Variants in ZNF423 observed in about 807,000 individuals in gnomAD.
The protein encoded by ZNF423 is Ebf-associated zinc finger protein.
A neutral mutation model predicts 95.8 loss-of-function variants in ZNF423; 12 were observed. The ratio of observed to expected loss-of-function variants is 0.13; its 90% CI spans 0.08 to 0.20. The LOEUF (loss-of-function observed/expected upper bound fraction) is 0.20. ZNF423 is among the 10% of genes least tolerant of loss of function. ZNF423 has a pLI of 1.00. For synonymous variants in ZNF423, 749 were observed against 711.9 expected (o/e 1.05, Z -0.83); for missense variants, 1,316 against 1,737.1 (o/e 0.76, Z 4.31).
chr16:49,799,400 C>A (rs970923173), intron 1 of ZNF423, among the ~76,000 whole-genome samples: 10 of 152,186 alleles, frequency 6.6e-5, no homozygotes, highest in Non-Finnish European at 2.9e-5. Flanking sequence ...AAATTTCCCA[C>A]TGCGATTTAG....
intron 1 of ZNF423, among the ~76,000 whole-genome samples, chr16:49,833,618 G>T (rs2035084854): frequency 6.6e-6 from 1 of 151,870 alleles, no homozygotes; most frequent in Admixed American, 6.6e-5. Flanking sequence ...CCTTTATTCG[G>T]CAAGACAATG....
chr16:49,600,775 C>T (rs1438538463), intron 5 of ZNF423, among the ~76,000 whole-genome samples: 1 of 152,176 alleles, frequency 6.6e-6, no homozygotes, highest in East Asian at 1.9e-4. Context: ...GCCACAGACC[C>T]AGGCCGGAGT....
At chr16:49,851,087 G>A (rs1183777800) in intron 1 of ZNF423, among the ~76,000 whole-genome samples, 4 of 152,180 alleles carry the variant, frequency 2.6e-5, no homozygotes, top group Non-Finnish European at 5.9e-5. Flanking sequence ...TCAAAGACAG[G>A]GAAAGCACTC....
At chr16:49,685,539 C>T (rs985308267) in intron 3 of ZNF423, among the ~76,000 whole-genome samples, 6 of 152,324 alleles carry the variant, frequency 3.9e-5, no homozygotes, top group African/African-American at 1.2e-4. Context: ...CCTCCTTCAG[C>T]GCTGTGTATT....
chr16:49,747,985 G>A (rs890110704), intron 2 of ZNF423, among the ~76,000 whole-genome samples: 3 of 152,250 alleles, frequency 2.0e-5, no homozygotes, highest in African/African-American at 4.8e-5. Flanking sequence ...GCTGTCACTT[G>A]TAGTCCCAGC....
intron 5 of ZNF423, among the ~76,000 whole-genome samples, chr16:49,576,509 C>G (rs779239871): frequency 6.6e-6 from 1 of 152,242 alleles, no homozygotes; most frequent in Non-Finnish European, 1.5e-5. Context: ...GTGGACACTA[C>G]CTGGAGGCAG....
intron 3 of ZNF423, among the ~76,000 whole-genome samples, chr16:49,669,426 A>G (rs958210564): frequency 6.6e-6 from 1 of 152,158 alleles, no homozygotes; most frequent in African/African-American, 2.4e-5. Context: ...ACCATCCCCA[A>G]TGAGTGGGAT....
chr16:49,654,705 G>A (rs1426089774), intron 3 of ZNF423, among the ~76,000 whole-genome samples: 1 of 152,216 alleles, frequency 6.6e-6, no homozygotes, highest in African/African-American at 2.4e-5. Flanking sequence ...AGCCAAGATG[G>A]TCTTAAATAA....
intron 2 of ZNF423, among the ~76,000 whole-genome samples, chr16:49,759,542 C>T (rs1233993687): frequency 2.0e-5 from 3 of 152,180 alleles, no homozygotes; most frequent in Admixed American, 6.5e-5. Flanking sequence ...ACAACCCTGG[C>T]GGGACCACAG....
intron 3 of ZNF423, among the ~76,000 whole-genome samples, chr16:49,707,124 C>T (rs1355614157): frequency 6.6e-6 from 1 of 152,126 alleles, no homozygotes; most frequent in Non-Finnish European, 1.5e-5. Flanking sequence ...CATGCCATGC[C>T]CTCACCTCAC....
At chr16:49,648,738 G>T (rs1973276518) in intron 3 of ZNF423, among the ~76,000 whole-genome samples, 1 of 152,098 alleles carries the variant, frequency 6.6e-6, no homozygotes, top group African/African-American at 2.4e-5. Flanking sequence ...AGGTAGGACT[G>T]CACATATTGC....
rs201914334 is a variant in ZNF423, at chr16:49,637,852, C to T, written c.1324G>A (p.Ala442Thr). Residue 442 changes from alanine to threonine, a missense_variant, in exon 4 of 8, where the codon GCG becomes ACG. Physicochemically the swap from Ala to Thr is moderately conservative, Grantham distance 58. Transcript: ENST00000563137. This position sits in a 1 kb window ranked among gnomAD's most constrained non-coding sequence, Gnocchi z 5.6. ...VLEIHLKTIH[A>T]DKPQQSHTCQ... ...GTGTGGCTCTGCTGGGGCTTGTCCG[C>T]GTGGATGGTCTTCAGGTGGATCTCC... 39 of 1,614,096 alleles carry T rather than the reference C, an allele frequency of 2.4e-5. No homozygotes were observed. The East Asian group carries it at 5.8e-4, about 24-fold the overall frequency.
At position 49,492,303 on chromosome 16, in the gene ZNF423, A is replaced by C. The variant is rs1298195679; in HGVS notation, c.3850-999T>G. On this transcript the variant is annotated intron_variant, in intron 7 of 7. Transcript: ENST00000563137. This position sits in a 1 kb window ranked among gnomAD's most constrained non-coding sequence, Gnocchi z 4.2. ...AGGGTGGCCCTGTTTGGGGCCGCACAGGACCCTAGATCCCCGGGAGAGGCT... is the reference window on the plus strand; with the variant it reads ...AGGGTGGCCCTGTTTGGGGCCGCACCGGACCCTAGATCCCCGGGAGAGGCT... Among the ~76,000 whole-genome samples the C allele has an allele frequency of 6.6e-6, 1 of 152,242 alleles. No individual in the cohort carries two copies.
At position 49,635,381 on chromosome 16, in the gene ZNF423, TTC is replaced by T. The variant is rs1296824488; in HGVS notation, c.3516+277_3516+278del. Among the ~76,000 whole-genome samples, 1 of 152,220 alleles carries T rather than the reference TTC, an allele frequency of 6.6e-6. No homozygotes were observed. Among genetic ancestry groups the T allele is most frequent in the Non-Finnish European group, 1.5e-5 (1 of 68,040 alleles). On this transcript the variant is annotated intron_variant, in intron 4 of 7. Coordinates refer to ENST00000563137, the MANE Select transcript of ZNF423 (RefSeq NM_001379286.1). The surrounding 1 kb of genome is among the most constrained non-coding windows in gnomAD (Gnocchi z 4.8). ...TGATGTCCTCGGCCTCTTACAACAA[TTC>T]TCTGAGGTTGGGACAATTATTATTC...
intron 3 of ZNF423, among the ~76,000 whole-genome samples, chr16:49,688,053 GGT>G (rs2031633416): frequency 1.9e-5 from 1 of 53,036 alleles, no homozygotes; most frequent in African/African-American, 8.0e-5. Flanking sequence ...ACCACGGTGC[GGT>G]TTTTTTTTTT....
intron 3 of ZNF423, among the ~76,000 whole-genome samples, chr16:49,699,376 G>A (rs1284458306): frequency 2.0e-5 from 3 of 152,166 alleles, no homozygotes; most frequent in Non-Finnish European, 1.5e-5. Flanking sequence ...ATAAATAAAT[G>A]CGGCCAAAAC....
chr16:49,755,594 G>A lies in ZNF423; in HGVS notation c.101-24623C>T, dbSNP rs115413956. Reference sequence around the variant, plus strand: ...GACGAGTTGAGTTGGAGAGAAATTAGATTTATTTACACGCTGTTCTGTTGC... The same window carrying A: ...GACGAGTTGAGTTGGAGAGAAATTAAATTTATTTACACGCTGTTCTGTTGC... On this transcript the variant is annotated intron_variant, in intron 2 of 7. Transcript: ENST00000563137. Among the ~76,000 whole-genome samples the A allele has an allele frequency of 2.9e-3, 438 of 152,296 alleles. 4 individuals carry two copies. Among genetic ancestry groups the A allele is most frequent in the African/African-American group, 0.01 (418 of 41,568 alleles).
chr16:49,637,880 C>T lies in ZNF423; in HGVS notation c.1296G>A (p.Val432=). Residue 432 remains valine (V), a synonymous_variant, in exon 4 of 8, where the codon GTG becomes GTA. Transcript: ENST00000563137. This position sits in a 1 kb window ranked among gnomAD's most constrained non-coding sequence, Gnocchi z 5.6. ...CSKRDFNSLA[V]LEIHLKTIHA... ...GGATGGTCTTCAGGTGGATCTCCAG[C>T]ACGGCCAGGCTGTTAAAGTCCCGCT... is the stretch of plus-strand genomic sequence containing the variant. 6.2e-7 allele frequency: 1 copy of T among 1,614,126 alleles called. No individual in the cohort carries two copies. The highest frequency in any genetic ancestry group is 1.1e-5 in the South Asian group (1 of 91,076).
chr16:49,857,031 C>T (rs1224837342), upstream of ZNF423, among the ~76,000 whole-genome samples: 1 of 149,958 alleles, frequency 6.7e-6, no homozygotes, highest in Non-Finnish European at 1.5e-5. The surrounding 1 kb of genome is among the most constrained non-coding windows in gnomAD (Gnocchi z 6.2). Context: ...CTCCCTCGCG[C>T]TCCTGTCTTC....
Sources: gnomAD v4.1 joint callset for allele counts (sites outside exome capture counted in the v4.1 genomes callset) on GRCh38, gnomAD v4.1.1 for gene constraint, Gnocchi (gnomAD v3.1) non-coding constraint, MANE v1.5 for transcripts, NCBI Gene and HGNC (gene_info 2026-07-23, HGNC 2026-07-21) for gene names.